The following NUP93 variants were observed in gnomAD, a reference collection of about 807,000 sequenced individuals.
NUP93 encodes the protein nuclear pore complex protein Nup93.
NUP93 carries 55 observed loss-of-function variants against 107.8 expected under a neutral mutation model. That is an observed-to-expected ratio of 0.51 (90% CI 0.41 to 0.64). NUP93 has a LOEUF of 0.64. NUP93 is among the 30% of genes least tolerant of loss of function. The pLI is 0.00. For missense variants in NUP93, 937 were observed against 1,044.7 expected (o/e 0.90, Z 1.42); for synonymous variants, 390 against 397.5 (o/e 0.98, Z 0.22).
intron 3 of NUP93, among the ~76,000 whole-genome samples, chr16:56,762,184 T>C (rs1187881220): frequency 6.6e-6 from 1 of 152,316 alleles, no homozygotes; most frequent in East Asian, 1.9e-4. Flanking sequence ...AAAAAAATAT[T>C]GATGGCATAT....
At position 56,834,331 on chromosome 16, in the gene NUP93, T is replaced by C. The variant is rs1318860327; in HGVS notation, c.1665-39T>C. 4 of 1,613,934 alleles carry C rather than the reference T, an allele frequency of 2.5e-6. No homozygotes were observed. In the East Asian group the frequency reaches 8.9e-5, roughly 36 times the overall value. On this transcript the variant is annotated intron_variant, in intron 14 of 21. Transcript: ENST00000308159. ...CTGAGAATGACTATTAGAGACCTCA[T>C]GTCCAGACTGGAAACTGAGTTGTTT...
intron 1 of NUP93, among the ~76,000 whole-genome samples, chr16:56,738,947 T>TC (rs1555489633): frequency 1.5e-5 from 2 of 130,398 alleles, no homozygotes; most frequent in Non-Finnish European, 3.1e-5. Flanking sequence ...CTAAATTTCT[T>TC]TTTTTTTTTT....
Position 56,805,203 on chromosome 16 carries a change from G to A in NUP93, c.361-301G>A, listed in dbSNP as rs576917107. On this transcript the variant is annotated intron_variant, in intron 4 of 21. Coordinates refer to ENST00000308159, the MANE Select transcript of NUP93 (RefSeq NM_014669.5). ...CTCCCAAGTAGCTGGGACTACAGGTGTACACCACCGTGCCCAGCTAACTTT... is the reference window on the plus strand; with the variant it reads ...CTCCCAAGTAGCTGGGACTACAGGTATACACCACCGTGCCCAGCTAACTTT... 7.9e-5 allele frequency among the ~76,000 whole-genome samples: 12 copies of A among 152,190 alleles called. No homozygotes were observed. In the East Asian group the frequency reaches 1.7e-3, roughly 22 times the overall value.
intron 1 of NUP93, 25 bp downstream of exon 1, chr16:56,730,236 T>C (rs1399160252): frequency 3.3e-5 from 5 of 152,228 alleles, no homozygotes; most frequent in African/African-American, 1.2e-4. Flanking sequence ...GGTCGCGTCC[T>C]TGCGACCCTG....
In NUP93 at chr16:56,798,550, A is replaced by C; in HGVS notation, c.360+12A>C. On this transcript the variant is annotated intron_variant, in intron 4 of 21. Coordinates refer to ENST00000308159, the MANE Select transcript of NUP93 (RefSeq NM_014669.5). ...AGTCCCGGAAGAGGGTAAGAAAATT[A>C]ACCAAAATGTAGATGTATACAGATG... The C allele has an allele frequency of 5.0e-6, 8 of 1,611,308 alleles. No individual in the cohort carries two copies. Among genetic ancestry groups the C allele is most frequent in the Non-Finnish European group, 6.8e-6 (8 of 1,177,406 alleles).
At chr16:56,841,255 T>G (rs1195233732) in intron 20 of NUP93, among the ~76,000 whole-genome samples, 2 of 152,174 alleles carry the variant, frequency 1.3e-5, no homozygotes, top group Non-Finnish European at 2.9e-5. Flanking sequence ...TCCCAAGGAC[T>G]CTGGTAGGGT....
chr16:56,782,006 G>A (rs1962524719), intron 3 of NUP93: 11 of 985,414 alleles, frequency 1.1e-5, no homozygotes, highest in Non-Finnish European at 1.3e-5. Context: ...CACTTGCAGA[G>A]GGGTTGTTCT....
chr16:56,743,630 G>A (rs1376013916), intron 1 of NUP93, among the ~76,000 whole-genome samples: 2 of 152,088 alleles, frequency 1.3e-5, no homozygotes, highest in Admixed American at 1.3e-4. Flanking sequence ...GAAGTATGAT[G>A]CACAAATCAT....
chr16:56,759,897 T>C (rs1962092654), intron 3 of NUP93, among the ~76,000 whole-genome samples: 1 of 152,188 alleles, frequency 6.6e-6, no homozygotes, highest in Non-Finnish European at 1.5e-5. Context: ...ACAAAGTGTT[T>C]TTTACATTTT....
At position 56,848,620 on chromosome 16, in the gene NUP93, A is replaced by G. The variant is rs543032510; in HGVS notation, c.*4011A>G. ...TAAATCTTTCTGCCACTTGTTTCCA[A>G]CCGAAAAGGAAAAAAGTTAAAAATT... On this transcript the variant is annotated 3_prime_UTR_variant, in exon 22 of 22. Coordinates refer to ENST00000308159, the MANE Select transcript of NUP93 (RefSeq NM_014669.5). 17 of 152,322 alleles carry G rather than the reference A, an allele frequency of 1.1e-4. No individual in the cohort carries two copies. Among genetic ancestry groups the G allele is most frequent in the African/African-American group, 3.6e-4 (15 of 41,554 alleles). The allele number at this position is 152,322 out of a possible 1,614,324, so 9.4% of individuals were successfully genotyped here. A position where few individuals can be genotyped will look rare whatever the true frequency, so the allele number is the denominator to read the frequency against.
chr16:56,817,904 A>T (rs1369348563), intron 5 of NUP93, among the ~76,000 whole-genome samples: 2 of 152,246 alleles, frequency 1.3e-5, no homozygotes, highest in Non-Finnish European at 2.9e-5. Flanking sequence ...GTGTGTAAGT[A>T]TACTTTATGA....
intron 2 of NUP93, among the ~76,000 whole-genome samples, chr16:56,756,210 G>A (rs1460116669): frequency 6.6e-6 from 1 of 151,236 alleles, no homozygotes; most frequent in African/African-American, 2.4e-5. Context: ...ATGTGCCATG[G>A]TGGTTTGCCA....
At chr16:56,771,151 G>A (rs1962315165) in intron 3 of NUP93, among the ~76,000 whole-genome samples, 1 of 152,186 alleles carries the variant, frequency 6.6e-6, no homozygotes, top group South Asian at 2.1e-4. Context: ...TTAGGGGGAA[G>A]TAATAGGCCT....
At position 56,834,386 on chromosome 16, in the gene NUP93, C is replaced by G; in HGVS notation, c.1681C>G (p.Gln561Glu). 6.2e-7 allele frequency: 1 copy of G among 1,614,164 alleles called. No homozygotes were observed. The highest frequency in any genetic ancestry group is 1.1e-5 in the South Asian group (1 of 91,070). ...CCCTTACAGGGATGAGAAAGATAGT[C>G]AAGGAGAAAACATGTTTCTGCGCTG... is the stretch of plus-strand genomic sequence containing the variant. ...FYFLRDEKDS[Q>E]GENMFLRCVS... The change falls in exon 15 of 22, where the codon CAA becomes GAA. Residue 561 changes from glutamine to glutamate, a missense_variant. By Grantham distance (29) the Gln-to-Glu change is conservative. Transcript: ENST00000308159.
Position 56,846,792 on chromosome 16 carries a change from C to T in NUP93, c.*2183C>T, listed in dbSNP as rs949438033. 3.9e-5 allele frequency: 6 copies of T among 152,180 alleles called. No individual in the cohort carries two copies. Among genetic ancestry groups the T allele is most frequent in the African/African-American group, 1.4e-4 (6 of 41,432 alleles). The allele number at this position is 152,180 out of a possible 1,614,324, so 9.4% of individuals were successfully genotyped here. On this transcript the variant is annotated 3_prime_UTR_variant, in exon 22 of 22. Transcript: ENST00000308159. ...TTTTTCTAATACTAGATTTTACTTG[C>T]AGATAGAAATATAACAATGCCACAA...
At chr16:56,751,899 T>C (rs1440902251) in intron 2 of NUP93, among the ~76,000 whole-genome samples, 2 of 152,100 alleles carry the variant, frequency 1.3e-5, no homozygotes, top group Non-Finnish European at 2.9e-5. Flanking sequence ...CAGACTGAAG[T>C]TTCTAGTACA....
At chr16:56,775,430 A>G (rs1485092659) in intron 3 of NUP93, among the ~76,000 whole-genome samples, 7 of 152,184 alleles carry the variant, frequency 4.6e-5, no homozygotes. Context: ...CTTTAAGTGG[A>G]TATAATATAG....
At chr16:56,794,864 C>T (rs1596808836) in intron 3 of NUP93, among the ~76,000 whole-genome samples, 1 of 132,892 alleles carries the variant, frequency 7.5e-6, no homozygotes, top group South Asian at 2.5e-4. Context: ...GGAGGTGGAG[C>T]TTGCAGTGAG....
chr16:56,822,881 C>T (rs935850565), intron 7 of NUP93, among the ~76,000 whole-genome samples: 2 of 152,178 alleles, frequency 1.3e-5, no homozygotes, highest in Non-Finnish European at 2.9e-5. Flanking sequence ...TAGGAAGAGT[C>T]ACATTTGTCT....
Sources: allele counts gnomAD v4.1 joint callset (sites outside exome capture counted in the v4.1 genomes callset), GRCh38; gene constraint gnomAD v4.1.1; transcripts MANE v1.5; gene names NCBI Gene and HGNC (gene_info 2026-07-23, HGNC 2026-07-21).